C4orf46: variants seen among roughly 807,000 people sequenced by gnomAD.
C4orf46 encodes the protein renal cancer differentiation gene 1 protein.
In C4orf46, 8 loss-of-function variants were observed where a neutral mutation model predicts 9.1. That is an observed-to-expected ratio of 0.88 (90% confidence interval 0.52 to 1.59). The LOEUF is 1.59. Among genes scored for constraint, C4orf46 ranks in the 40% most tolerant of loss-of-function variants. The pLI is 0.00. For synonymous variants in C4orf46, 51 were observed against 58.8 expected (o/e 0.87, Z 0.61); for missense variants, 151 against 139.1 (o/e 1.09, Z -0.43).
In C4orf46 at chr4:158,668,013, A is replaced by G. The variant is rs138693094; in HGVS notation, c.*1600T>C. The G allele has an allele frequency of 1.3e-5, 2 of 152,364 alleles. No individual in the cohort carries two copies. The highest frequency in any genetic ancestry group is 3.9e-4 in the East Asian group (2 of 5,194). The allele number at this position is 152,364 out of a possible 1,614,324, so 9.4% of individuals were successfully genotyped here. On this transcript the variant is annotated 3_prime_UTR_variant, in exon 2 of 2. Coordinates refer to ENST00000379205, the MANE Select transcript of C4orf46 (RefSeq NM_001008393.4). ...AGGAACGGGACAGGATCAAACAGGTAACAAAGCAAACTTCAAATGTATCTA... is the reference window on the plus strand; with the variant it reads ...AGGAACGGGACAGGATCAAACAGGTGACAAAGCAAACTTCAAATGTATCTA...
Position 158,669,148 on chromosome 4 carries a change from G to A in C4orf46, c.*465C>T, listed in dbSNP as rs1194825028. 2 of 152,472 alleles carry A rather than the reference G, an allele frequency of 1.3e-5. No individual in the cohort carries two copies. The highest frequency in any genetic ancestry group is 6.5e-5 in the Admixed American group (1 of 15,290). 9.4% of individuals were successfully genotyped at this position (152,472 alleles called of 1,614,324 possible). A position where few individuals can be genotyped will look rare whatever the true frequency, so the allele number is the denominator to read the frequency against. On this transcript the variant is annotated 3_prime_UTR_variant, in exon 2 of 2. Transcript: ENST00000379205. ...CCCTGTTTTAGGTGCTGGGGATATAGAATAAAGACACAATCATTAGCTGTA... is the reference window on the plus strand; with the variant it reads ...CCCTGTTTTAGGTGCTGGGGATATAAAATAAAGACACAATCATTAGCTGTA...
rs963834404 is a variant in C4orf46, at chr4:158,671,846, G to C, written c.-45C>G. ...GGAATCCGACCCGAGAAGCCGAACC[G>C]ACACCAACTGTCTTTTAACCACTCG... On this transcript the variant is annotated 5_prime_UTR_variant, in exon 1 of 2. Transcript: ENST00000379205. 2.1e-6 allele frequency: 3 copies of C among 1,414,380 alleles called. No homozygotes were observed. Among genetic ancestry groups the C allele is most frequent in the South Asian group, 2.9e-5 (2 of 68,510 alleles). 87.6% of individuals were successfully genotyped at this position (1,414,380 alleles called of 1,614,324 possible).
chr4:158,670,544 C>T (rs1021830535), intron 1 of C4orf46, among the ~76,000 whole-genome samples: 1 of 152,128 alleles, frequency 6.6e-6, no homozygotes, highest in African/African-American at 2.4e-5. Flanking sequence ...ATTAAAAAAT[C>T]ACACACAAAT....
At chr4:158,671,530 G>A (rs1430884417) in intron 1 of C4orf46, 86 bp downstream of exon 1, 6 of 1,332,774 alleles carry the variant, frequency 4.5e-6, no homozygotes, top group Non-Finnish European at 4.0e-6. Flanking sequence ...GGGGTTGGGG[G>A]ACCGATTCCC....
Position 158,669,372 on chromosome 4 carries a change from TAAA to T in C4orf46, c.*238_*240del. 1 of 361,656 alleles carries T rather than the reference TAAA, an allele frequency of 2.8e-6. No homozygotes were observed. Among genetic ancestry groups the T allele is most frequent in the Non-Finnish European group, 5.0e-6 (1 of 199,266 alleles). The allele number at this position is 361,656 out of a possible 1,614,324, so 22.4% of individuals were successfully genotyped here. A position where few individuals can be genotyped will look rare whatever the true frequency, so the allele number is the denominator to read the frequency against. The stretch of plus-strand genomic sequence containing the variant: ...CGTCTATTGATGAAGTTAACTTTCA[TAAA>T]GGATTCTATGAAAGTTCAGAGGCAT... On this transcript the variant is annotated 3_prime_UTR_variant, in exon 2 of 2. Coordinates refer to ENST00000379205, the MANE Select transcript of C4orf46 (RefSeq NM_001008393.4).
In C4orf46 at chr4:158,669,557, A is replaced by C. The variant is rs1773461722; in HGVS notation, c.*56T>G. 6.4e-7 allele frequency: 1 copy of C among 1,558,478 alleles called. No individual in the cohort carries two copies. The highest frequency in any genetic ancestry group is 1.7e-5 in the Admixed American group (1 of 59,168). The stretch of plus-strand genomic sequence containing the variant: ...TATATGTGTGGTACATGTACAAAAT[A>C]TGACATAAGAAGTATGAATTATTGC... On this transcript the variant is annotated 3_prime_UTR_variant, in exon 2 of 2. Transcript: ENST00000379205.
chr4:158,670,159 G>A (rs938657817), intron 1 of C4orf46, among the ~76,000 whole-genome samples: 4 of 151,416 alleles, frequency 2.6e-5, no homozygotes, highest in African/African-American at 9.7e-5. Flanking sequence ...TAGTAGCTGG[G>A]ATTACAGTCA....
Position 158,671,818 on chromosome 4 carries a change from C to T in C4orf46, c.-17G>A. On this transcript the variant is annotated 5_prime_UTR_variant, in exon 1 of 2. Transcript: ENST00000379205. ...GTCGGCCATGGGGAAGGGTTGGGAC[C>T]GCGGAATCCGACCCGAGAAGCCGAA... is the stretch of plus-strand genomic sequence containing the variant. 1.4e-6 allele frequency: 2 copies of T among 1,479,956 alleles called. No individual in the cohort carries two copies. 91.7% of individuals were successfully genotyped at this position (1,479,956 alleles called of 1,614,324 possible).
In C4orf46 at chr4:158,671,749, G is replaced by A. The variant is rs1168955625; in HGVS notation, c.53C>T (p.Ser18Phe). Residue 18 changes from serine (S) to phenylalanine (F), a missense_variant, in exon 1 of 2, where the codon TCT becomes TTT. By Grantham distance (155) the Ser-to-Phe change is radical. Coordinates refer to ENST00000379205, the MANE Select transcript of C4orf46 (RefSeq NM_001008393.4). The stretch of plus-strand genomic sequence containing the variant: ...AGAGGCGTCTGAAGAGGAGGGAGAA[G>A]AGGGAGGCGGCGGGGGCGGCGAAGA... The part of the protein sequence containing the change: ...QVSSPPPPPP[S>F]SPSSSDASAA... 1.9e-6 allele frequency: 3 copies of A among 1,578,586 alleles called. No individual in the cohort carries two copies. Among genetic ancestry groups the A allele is most frequent in the African/African-American group, 1.4e-5 (1 of 74,064 alleles).
At chr4:158,669,792 ATTTTAT>A in intron 1 of C4orf46, 24 bp from the exon 2 acceptor site, 7 of 1,566,934 alleles carry the variant, frequency 4.5e-6, no homozygotes, top group Non-Finnish European at 5.2e-6. Flanking sequence ...GTCAAACATA[ATTTTAT>A]TTTTAAAATT....
At chr4:158,669,887 TCAGTTTTCAAACTACAG>T (rs1773477694) in intron 1 of C4orf46, 119 bp from the exon 2 acceptor site, 1 of 835,088 alleles carries the variant, frequency 1.2e-6, no homozygotes, top group Non-Finnish European at 1.8e-6. Context: ...TTCAAAGTAA[TCAGTTTTCAAACTACAG>T]CACTGGCTCT....
In C4orf46 at chr4:158,669,473, A is replaced by C. The variant is rs1226117092; in HGVS notation, c.*140T>G. On this transcript the variant is annotated 3_prime_UTR_variant, in exon 2 of 2. Transcript: ENST00000379205. ...CGGTATTCTGCTTTCACAAAAACCA[A>C]GAAAACCAAGAAAAATTTCATTCTG... 1.5e-5 allele frequency: 12 copies of C among 796,420 alleles called. No individual in the cohort carries two copies. The highest frequency in any genetic ancestry group is 2.3e-5 in the Non-Finnish European group (12 of 530,794). The allele number at this position is 796,420 out of a possible 1,614,324, so 49.3% of individuals were successfully genotyped here.
intron 1 of C4orf46, 73 bp downstream of exon 1, chr4:158,671,543 G>C: frequency 7.3e-7 from 1 of 1,373,118 alleles, no homozygotes; most frequent in Non-Finnish European, 9.6e-7. Context: ...CGATTCCCTA[G>C]CCTCGCGAGC....
chr4:158,669,571 A>G lies in C4orf46; in HGVS notation c.*42T>C, dbSNP rs1172099977. The G allele has an allele frequency of 6.3e-7, 1 of 1,592,466 alleles. No homozygotes were observed. Among genetic ancestry groups the G allele is most frequent in the Non-Finnish European group, 8.6e-7 (1 of 1,163,298 alleles). On this transcript the variant is annotated 3_prime_UTR_variant, in exon 2 of 2. Transcript: ENST00000379205. ...ATGTACAAAATATGACATAAGAAGT[A>G]TGAATTATTGCAGTCATTATTAAAC...
chr4:158,671,485 C>G, intron 1 of C4orf46, 131 bp downstream of exon 1: 1 of 955,440 alleles, frequency 1.0e-6, no homozygotes, highest in Non-Finnish European at 1.5e-6. Flanking sequence ...CCCGCACGCT[C>G]TGGGGCGCAG....
At position 158,671,796 on chromosome 4, in the gene C4orf46, G is replaced by T. The variant is rs4596202; in HGVS notation, c.6C>A (p.Ala2=). 5,263 of 1,538,622 alleles carry T rather than the reference G, an allele frequency of 3.4e-3. 144 individuals are homozygous for T. The African/African-American group carries it at 0.061, about 18-fold the overall frequency. Residue 2 remains alanine, a synonymous_variant, in exon 1 of 2, where the codon GCC becomes GCA. Transcript: ENST00000379205. ...AAGAAACCTGCAACTCCTCAGGGTC[G>T]GCCATGGGGAAGGGTTGGGACCGCG... M[A]DPEELQVSSP... is the part of the protein sequence containing the mutation.
rs200135151 is a variant in C4orf46 at position 158,669,724 on chromosome 4, T to A, written c.231A>T (p.Val77=). The part of the protein sequence containing the change: ...LTKLLEATSA[V]SAQVEELAFK... ...AGGCAAGTTCTTCCACTTGAGCTGA[T>A]ACTGCAGATGTGGCTTCAAGAAGTT... The change falls in exon 2 of 2, where the codon GTA becomes GTT. Residue 77 remains valine, a synonymous_variant. Coordinates refer to ENST00000379205, the MANE Select transcript of C4orf46 (RefSeq NM_001008393.4). 21 of 1,613,504 alleles carry A rather than the reference T, an allele frequency of 1.3e-5. No homozygotes were observed. The highest frequency in any genetic ancestry group is 1.7e-5 in the Non-Finnish European group (20 of 1,179,710).
Position 158,669,492 on chromosome 4 carries a change from CATT to C in C4orf46, c.*118_*120del. ...AAACCAAGAAAACCAAGAAAAATTTCATTCTGAGTATATACAGAACTGCTGGAC... is the reference window on the plus strand; with the variant it reads ...AAACCAAGAAAACCAAGAAAAATTTCCTGAGTATATACAGAACTGCTGGAC... On this transcript the variant is annotated 3_prime_UTR_variant, in exon 2 of 2. Transcript: ENST00000379205. The C allele has an allele frequency of 1.1e-6, 1 of 941,774 alleles. No homozygotes were observed. The allele number at this position is 941,774 out of a possible 1,614,324, so 58.3% of individuals were successfully genotyped here. A position where few individuals can be genotyped will look rare whatever the true frequency, so the allele number is the denominator to read the frequency against.
chr4:158,669,855 T>TATATGAA (rs1773476722), intron 1 of C4orf46, 87 bp from the exon 2 acceptor site: 2 of 1,059,608 alleles, frequency 1.9e-6, no homozygotes, highest in East Asian at 5.2e-5. Flanking sequence ...AGGCTTTGAA[T>TATATGAA]CCAATGCCCA....
Sources: gnomAD v4.1 joint callset for allele counts (sites outside exome capture counted in the v4.1 genomes callset) on GRCh38, gnomAD v4.1.1 for gene constraint, MANE v1.5 for transcripts, NCBI Gene and HGNC (gene_info 2026-07-23, HGNC 2026-07-21) for gene names.